The following LRRC7 variants were observed in gnomAD, a reference collection of about 807,000 sequenced individuals.
LRRC7 encodes leucine rich repeat containing 7.
A neutral mutation model predicts 175.7 loss-of-function variants in LRRC7; 23 were observed. The observed-to-expected ratio is 0.13, with a 90% CI of 0.09 to 0.19. The LOEUF is 0.19. LRRC7 is among the 10% of genes least tolerant of loss of function. LRRC7 has a pLI of 1.00. For synonymous variants in LRRC7, 685 were observed against 680.9 expected (o/e 1.01, Z -0.09); for missense variants, 1,354 against 1,904.7 (o/e 0.71, Z 5.38).
chr1:69,768,168 C>A (rs1359417549), intron 3 of LRRC7, among the ~76,000 whole-genome samples: 3 of 152,164 alleles, frequency 2.0e-5, no homozygotes, highest in Non-Finnish European at 2.9e-5. Context: ...AAATCCTCCC[C>A]AACTCTTTAG....
At chr1:69,572,151 G>A (rs772426279) in intron 1 of LRRC7, among the ~76,000 whole-genome samples, 11 of 152,084 alleles carry the variant, frequency 7.2e-5, no homozygotes, top group African/African-American at 1.7e-4. Context: ...TTATTGCCAC[G>A]GAAAGATATC....
At chr1:69,780,814 A>T (rs1435072161) in intron 3 of LRRC7, among the ~76,000 whole-genome samples, 1 of 152,236 alleles carries the variant, frequency 6.6e-6, no homozygotes, top group East Asian at 1.9e-4. Context: ...AGGCCAACTC[A>T]CTAGACAACC....
intron 1 of LRRC7, among the ~76,000 whole-genome samples, chr1:69,612,924 A>T (rs1649011983): frequency 6.6e-6 from 1 of 151,832 alleles, no homozygotes; most frequent in Admixed American, 6.6e-5. Flanking sequence ...TCATCCTTCT[A>T]CTCCCCCATT....
chr1:69,584,233 A>T (rs890639089), intron 1 of LRRC7, among the ~76,000 whole-genome samples: 32 of 152,094 alleles, frequency 2.1e-4, no homozygotes, highest in African/African-American at 7.7e-4. Context: ...TTTCTCTGTT[A>T]TCCCATTAGA....
chr1:69,669,404 G>A (rs531037652), intron 1 of LRRC7, among the ~76,000 whole-genome samples: 1 of 152,070 alleles, frequency 6.6e-6, no homozygotes, highest in Non-Finnish European at 1.5e-5. Context: ...TTCTCTCATG[G>A]CCTATAAACT....
intron 1 of LRRC7, among the ~76,000 whole-genome samples, chr1:69,621,624 G>A (rs770644384): frequency 1.7e-4 from 26 of 152,114 alleles, no homozygotes; most frequent in Non-Finnish European, 2.8e-4. Context: ...TACTCTCAGA[G>A]TGTTAGCTTT....
intron 6 of LRRC7, among the ~76,000 whole-genome samples, chr1:69,836,055 T>C (rs1447473456): frequency 6.6e-6 from 1 of 152,076 alleles, no homozygotes; most frequent in Non-Finnish European, 1.5e-5. Context: ...ACTGAATTTA[T>C]GTAAATGATA....
intron 1 of LRRC7, among the ~76,000 whole-genome samples, chr1:69,646,380 T>C (rs1295057735): frequency 4.6e-5 from 7 of 152,278 alleles, no homozygotes; most frequent in South Asian, 2.1e-4. Context: ...TGTAAATAAG[T>C]AAATTCATAT....
In LRRC7 at chr1:69,733,792, G is replaced by A. The variant is rs538476457; in HGVS notation, c.101-26399G>A. The stretch of plus-strand genomic sequence containing the variant: ...GCTAAAAATGTCATTTTGTTCAAAG[G>A]CATTTGGCTCTCTGCATCAGATAAT... On this transcript the variant is annotated intron_variant, in intron 2 of 26. Coordinates refer to ENST00000651989, the MANE Select transcript of LRRC7 (RefSeq NM_001370785.2). Among the ~76,000 whole-genome samples, 183 of 152,054 alleles carry A rather than the reference G, an allele frequency of 1.2e-3. 1 individual carries two copies. The highest frequency in any genetic ancestry group is 2.1e-3 in the Non-Finnish European group (142 of 67,886).
chr1:69,905,218 G>T (rs1341386292), intron 7 of LRRC7, among the ~76,000 whole-genome samples: 1 of 151,606 alleles, frequency 6.6e-6, no homozygotes, highest in African/African-American at 2.4e-5. Flanking sequence ...TAATGGGATT[G>T]CTGGATCAAA....
chr1:69,796,913 C>T (rs1480114882), intron 4 of LRRC7, among the ~76,000 whole-genome samples: 2 of 151,972 alleles, frequency 1.3e-5, no homozygotes, highest in Admixed American at 6.6e-5. Context: ...CTCTGTGATA[C>T]TTTTTTACAT....
chr1:69,978,309 G>A (rs12043886), intron 8 of LRRC7, among the ~76,000 whole-genome samples: 8,979 of 149,854 alleles, frequency 0.06, 267 homozygotes, highest in South Asian at 0.1. Flanking sequence ...GGAGGGAAGA[G>A]GAGGGGAGGG....
intron 6 of LRRC7, among the ~76,000 whole-genome samples, chr1:69,837,812 C>T (rs2101352638): frequency 1.3e-5 from 2 of 151,136 alleles, no homozygotes; most frequent in African/African-American, 4.8e-5. Context: ...TTGATGTAAC[C>T]CTACTCATAA....
intron 1 of LRRC7, among the ~76,000 whole-genome samples, chr1:69,634,820 C>G (rs1406983847): frequency 1.3e-5 from 2 of 152,034 alleles, no homozygotes; most frequent in East Asian, 3.9e-4. Flanking sequence ...AGCCAGTGAT[C>G]CTAATGACAG....
At chr1:70,056,312 G>T (rs529604776) in intron 23 of LRRC7, among the ~76,000 whole-genome samples, 21 of 152,192 alleles carry the variant, frequency 1.4e-4, no homozygotes, top group African/African-American at 4.3e-4. Context: ...AGGCAGAAAA[G>T]AAATAATCAA....
chr1:70,024,193 A>G (rs1219548857), intron 17 of LRRC7, among the ~76,000 whole-genome samples: 1 of 152,012 alleles, frequency 6.6e-6, no homozygotes, highest in Non-Finnish European at 1.5e-5. Flanking sequence ...AAGTAATATA[A>G]TATTTAACAA....
chr1:70,060,857 C>T (rs1418695506), intron 23 of LRRC7, among the ~76,000 whole-genome samples: 1 of 152,142 alleles, frequency 6.6e-6, no homozygotes, highest in Non-Finnish European at 1.5e-5. Context: ...TGTACAGAAG[C>T]AAATATATCA....
intron 1 of LRRC7, among the ~76,000 whole-genome samples, chr1:69,592,697 G>A (rs951785387): frequency 6.6e-6 from 1 of 152,022 alleles, no homozygotes; most frequent in Non-Finnish European, 1.5e-5. Flanking sequence ...TTTATATTTA[G>A]CGATAACAGC....
chr1:69,931,002 C>A (rs1443574986), intron 7 of LRRC7, among the ~76,000 whole-genome samples: 6 of 152,106 alleles, frequency 3.9e-5, no homozygotes, highest in Non-Finnish European at 1.5e-5. Flanking sequence ...ATCAGTGTGA[C>A]AACTATTCAT....
Sources: allele counts gnomAD v4.1 joint callset (sites outside exome capture counted in the v4.1 genomes callset), GRCh38; gene constraint gnomAD v4.1.1; transcripts MANE v1.5; gene names NCBI Gene and HGNC (gene_info 2026-07-23, HGNC 2026-07-21).